The following SNTG1 variants were observed in gnomAD, a reference collection of about 807,000 sequenced individuals.
SNTG1 encodes gamma-1-syntrophin.
A neutral mutation model predicts 74.7 loss-of-function variants in SNTG1; 39 were observed. The ratio of observed to expected loss-of-function variants is 0.52; its 90% confidence interval spans 0.40 to 0.68. The LOEUF is 0.68. Ranked by LOEUF, SNTG1 falls within the 30% of genes least tolerant of loss-of-function variation. SNTG1 has a pLI of 0.00. For synonymous variants in SNTG1, 254 were observed against 217.1 expected (o/e 1.17, Z -1.49); for missense variants, 685 against 609.5 (o/e 1.12, Z -1.30).
chr8:50,179,789 G>A (rs1480454831), intron 2 of SNTG1, among the ~76,000 whole-genome samples: 2 of 152,168 alleles, frequency 1.3e-5, no homozygotes, highest in Non-Finnish European at 2.9e-5. Context: ...AGAGGTGTCA[G>A]CAAGGGTGTG....
chr8:50,406,152 T>C (rs1291539572), intron 4 of SNTG1, among the ~76,000 whole-genome samples: 2 of 152,086 alleles, frequency 1.3e-5, no homozygotes, highest in Non-Finnish European at 2.9e-5. Flanking sequence ...GACATCTTAA[T>C]AATAGTAAGT....
At chr8:50,552,652 T>C (rs2094433833) in intron 11 of SNTG1, among the ~76,000 whole-genome samples, 2 of 152,196 alleles carry the variant, frequency 1.3e-5, no homozygotes, top group Admixed American at 6.5e-5. Context: ...ACGATCTTTC[T>C]AAGTCAGAAA....
At chr8:50,333,709 C>G (rs929806239) in intron 2 of SNTG1, among the ~76,000 whole-genome samples, 1 of 152,150 alleles carries the variant, frequency 6.6e-6, no homozygotes, top group Non-Finnish European at 1.5e-5. Context: ...AATACAGAAC[C>G]AAAATCTTTA....
At chr8:50,529,145 A>G (rs1274353265) in intron 9 of SNTG1, among the ~76,000 whole-genome samples, 3 of 151,978 alleles carry the variant, frequency 2.0e-5, no homozygotes, top group Admixed American at 6.6e-5. Flanking sequence ...ATAAGTATAT[A>G]CATTTGCTTT....
intron 15 of SNTG1, among the ~76,000 whole-genome samples, chr8:50,679,450 C>T (rs7844098): frequency 0.059 from 9,010 of 152,128 alleles, 876 homozygotes; most frequent in African/African-American, 0.2. Context: ...ATTATAGCCA[C>T]ATTATGGGGT....
intron 3 of SNTG1, among the ~76,000 whole-genome samples, chr8:50,398,116 T>C (rs1347596685): frequency 6.6e-6 from 1 of 152,202 alleles, no homozygotes; most frequent in Non-Finnish European, 1.5e-5. Context: ...TGTTTATTAG[T>C]TCCCAACTTC....
At chr8:50,092,273 C>G (rs1490867090) in intron 1 of SNTG1, among the ~76,000 whole-genome samples, 1 of 152,168 alleles carries the variant, frequency 6.6e-6, no homozygotes, top group Non-Finnish European at 1.5e-5. Flanking sequence ...ATGGTCATTG[C>G]TATCAGTGGA....
At chr8:50,169,200 C>T (rs1273323135) in intron 1 of SNTG1, among the ~76,000 whole-genome samples, 6 of 152,262 alleles carry the variant, frequency 3.9e-5, no homozygotes, top group Non-Finnish European at 7.4e-5. Flanking sequence ...TGAATAATTT[C>T]AGTGAATAAT....
intron 12 of SNTG1, among the ~76,000 whole-genome samples, chr8:50,570,618 A>ATTG: frequency 6.8e-6 from 1 of 146,218 alleles, no homozygotes; most frequent in South Asian, 2.2e-4. Flanking sequence ...TATTATTATT[A>ATTG]TTATTTAGGT....
chr8:50,617,289 A>G (rs2094891170), intron 13 of SNTG1, among the ~76,000 whole-genome samples: 1 of 151,862 alleles, frequency 6.6e-6, no homozygotes, highest in African/African-American at 2.4e-5. Context: ...CATTTTTTCA[A>G]TCCTCAGTTA....
intron 1 of SNTG1, among the ~76,000 whole-genome samples, chr8:50,006,733 C>T (rs372257226): frequency 1.8e-3 from 274 of 152,162 alleles, no homozygotes; most frequent in African/African-American, 5.9e-3. Context: ...GGTGAGCAGA[C>T]GAAACTATGC....
intron 13 of SNTG1, among the ~76,000 whole-genome samples, chr8:50,618,359 T>G (rs1313711799): frequency 6.6e-6 from 1 of 152,240 alleles, no homozygotes; most frequent in African/African-American, 2.4e-5. Flanking sequence ...TACTGTTGCA[T>G]GCATAATCAC....
chr8:50,054,167 T>G (rs1313495464), intron 1 of SNTG1, among the ~76,000 whole-genome samples: 1 of 152,108 alleles, frequency 6.6e-6, no homozygotes, highest in Non-Finnish European at 1.5e-5. Context: ...AGTTGATGAT[T>G]ATTATTTAAT....
At chr8:50,280,023 G>C (rs142395166) in intron 2 of SNTG1, among the ~76,000 whole-genome samples, 10 of 152,152 alleles carry the variant, frequency 6.6e-5, no homozygotes, top group African/African-American at 1.9e-4. Flanking sequence ...TGTTTTCAAA[G>C]CTTCTCCCTT....
At chr8:50,445,059 A>G (rs1328214017) in intron 5 of SNTG1, among the ~76,000 whole-genome samples, 2 of 152,094 alleles carry the variant, frequency 1.3e-5, no homozygotes, top group African/African-American at 2.4e-5. Context: ...TTTATCCCCT[A>G]TCTCCCCTCT....
At chr8:50,226,380 T>C (rs2085328945) in intron 2 of SNTG1, among the ~76,000 whole-genome samples, 1 of 152,222 alleles carries the variant, frequency 6.6e-6, no homozygotes, top group Non-Finnish European at 1.5e-5. Context: ...GGGGAAACTC[T>C]GTATCTGTAA....
intron 2 of SNTG1, among the ~76,000 whole-genome samples, chr8:50,282,350 GT>G (rs1280863742): frequency 6.7e-6 from 1 of 149,012 alleles, no homozygotes; most frequent in South Asian, 2.1e-4. Context: ...CCCCTCTCAC[GT>G]TTATTCTCCA....
intron 1 of SNTG1, among the ~76,000 whole-genome samples, chr8:49,986,902 T>G (rs1813215035): frequency 6.6e-6 from 1 of 152,024 alleles, no homozygotes; most frequent in South Asian, 2.1e-4. Flanking sequence ...AATAAATATG[T>G]AAATATAAAT....
At chr8:50,668,553 G>T (rs2095262063) in intron 15 of SNTG1, among the ~76,000 whole-genome samples, 1 of 149,252 alleles carries the variant, frequency 6.7e-6, no homozygotes, top group African/African-American at 2.5e-5. Flanking sequence ...TTAAGTTCTG[G>T]GATACATGTG....
Sources: allele counts gnomAD v4.1 joint callset (sites outside exome capture counted in the v4.1 genomes callset), GRCh38; gene constraint gnomAD v4.1.1; transcripts MANE v1.5; gene names NCBI Gene and HGNC (gene_info 2026-07-23, HGNC 2026-07-21).